The following KDM4C variants were observed in gnomAD, a reference collection of about 807,000 sequenced individuals.
KDM4C encodes lysine-specific demethylase 4C.
KDM4C carries 81 observed loss-of-function variants against 129.3 expected under a neutral mutation model. The observed-to-expected ratio is 0.63, with a 90% confidence interval of 0.52 to 0.75. The LOEUF is 0.75. KDM4C is among the 30% of genes least tolerant of loss of function. The pLI is 0.00. For missense variants in KDM4C, 1,457 were observed against 1,304.0 expected (o/e 1.12, Z -1.81); for synonymous variants, 573 against 456.1 (o/e 1.26, Z -3.26).
chr9:7,143,406 A>C (rs1841944021), intron 19 of KDM4C, among the ~76,000 whole-genome samples: 1 of 152,248 alleles, frequency 6.6e-6, no homozygotes, highest in Non-Finnish European at 1.5e-5. Context: ...TCTGGTGTGA[A>C]AAGAATAGAA....
intron 13 of KDM4C, 63 bp from the exon 14 acceptor site, chr9:7,013,725 G>A: frequency 4.0e-6 from 6 of 1,492,062 alleles, no homozygotes; most frequent in East Asian, 2.3e-5. Context: ...GTGGATTTGA[G>A]TGACTAGAAT....
intron 1 of KDM4C, among the ~76,000 whole-genome samples, chr9:6,738,588 A>C (rs1817598452): frequency 6.6e-6 from 1 of 152,070 alleles, no homozygotes; most frequent in Non-Finnish European, 1.5e-5. Context: ...GGTGGGCACC[A>C]CCACGCCCAG....
At chr9:6,933,666 A>G (rs1291678583) in intron 8 of KDM4C, among the ~76,000 whole-genome samples, 1 of 152,252 alleles carries the variant, frequency 6.6e-6, no homozygotes, top group Admixed American at 6.5e-5. Flanking sequence ...TTACTTATGT[A>G]TAGTTCTAAT....
chr9:6,978,574 G>A (rs905461475), intron 8 of KDM4C: 3 of 152,010 alleles, frequency 2.0e-5, no homozygotes, highest in African/African-American at 7.2e-5. Flanking sequence ...TGCATCTGTG[G>A]CTTGTCCTTG....
intron 1 of KDM4C, among the ~76,000 whole-genome samples, chr9:6,775,918 A>T (rs1822931073): frequency 6.6e-6 from 1 of 152,172 alleles, no homozygotes; most frequent in African/African-American, 2.4e-5. Context: ...TACCCATTAG[A>T]TGCAACTTGA....
intron 9 of KDM4C, among the ~76,000 whole-genome samples, chr9:6,983,009 A>C (rs1213879689): frequency 6.6e-6 from 1 of 152,212 alleles, no homozygotes; most frequent in Non-Finnish European, 1.5e-5. Context: ...TTGATGTCTC[A>C]AGCACATGTC....
intron 1 of KDM4C, among the ~76,000 whole-genome samples, chr9:6,792,211 C>T (rs905940383): frequency 4.6e-5 from 7 of 151,292 alleles, no homozygotes; most frequent in Non-Finnish European, 8.9e-5. Context: ...GGCATGGTGG[C>T]GGGTGCCTGT....
upstream of KDM4C, among the ~76,000 whole-genome samples, chr9:6,755,377 A>T (rs1045464206): frequency 7.0e-6 from 1 of 142,940 alleles, no homozygotes; most frequent in Admixed American, 6.9e-5. Context: ...TCTCAATTAT[A>T]AAAAAATGCA....
chr9:7,061,287 G>C (rs1051256170), intron 17 of KDM4C, among the ~76,000 whole-genome samples: 1 of 152,162 alleles, frequency 6.6e-6, no homozygotes, highest in Non-Finnish European at 1.5e-5. Flanking sequence ...ATCTCCTCAA[G>C]ATATTCAGAT....
At chr9:7,017,253 A>G (rs923803162) in intron 15 of KDM4C, among the ~76,000 whole-genome samples, 1 of 152,228 alleles carries the variant, frequency 6.6e-6, no homozygotes. Context: ...CTAACTTTTC[A>G]ACTAGCATGA....
intron 7 of KDM4C, among the ~76,000 whole-genome samples, chr9:6,891,977 T>C (rs1846175220): frequency 6.6e-6 from 1 of 152,200 alleles, no homozygotes; most frequent in African/African-American, 2.4e-5. Flanking sequence ...AAAGAAAATA[T>C]AAGTTGTATT....
At chr9:6,789,052 T>C (rs1316401165) in intron 1 of KDM4C, among the ~76,000 whole-genome samples, 1 of 151,664 alleles carries the variant, frequency 6.6e-6, no homozygotes, top group East Asian at 1.9e-4. Flanking sequence ...TTTTGTTTTT[T>C]TTTTTTTTTG....
At chr9:7,069,413 T>C (rs1007644310) in intron 17 of KDM4C, among the ~76,000 whole-genome samples, 2 of 152,142 alleles carry the variant, frequency 1.3e-5, no homozygotes, top group South Asian at 2.1e-4. Flanking sequence ...TTAGGCCAGG[T>C]GTGTGGGAGG....
intron 3 of KDM4C, among the ~76,000 whole-genome samples, chr9:6,814,372 C>A (rs1266698278): frequency 6.6e-6 from 1 of 152,066 alleles, no homozygotes; most frequent in East Asian, 1.9e-4. Flanking sequence ...GACTTTTAAA[C>A]TGCTTTTCTG....
chr9:7,077,798 C>T (rs1466764594), intron 17 of KDM4C, among the ~76,000 whole-genome samples: 3 of 152,176 alleles, frequency 2.0e-5, no homozygotes, highest in Non-Finnish European at 4.4e-5. Flanking sequence ...ACCAGTCAGT[C>T]TACAGAGAAA....
intron 2 of KDM4C, among the ~76,000 whole-genome samples, chr9:6,799,166 G>C (rs1373335640): frequency 1.3e-5 from 2 of 152,128 alleles, no homozygotes; most frequent in Non-Finnish European, 2.9e-5. Context: ...ACGGGGTGGC[G>C]GCCGGGCAGA....
At chr9:6,792,916 A>T (rs1356430918) in intron 1 of KDM4C, 56 bp from the exon 2 acceptor site, 12 of 1,555,138 alleles carry the variant, frequency 7.7e-6, no homozygotes, top group Non-Finnish European at 9.7e-6. Context: ...ATTTGTTAAA[A>T]ATGACCTAAA....
rs536929761 is a variant in KDM4C, at chr9:7,134,393, A to G, written c.2781+6157A>G. Among the ~76,000 whole-genome samples, 7 of 150,224 alleles carry G rather than the reference A, an allele frequency of 4.7e-5. No homozygotes were observed. In the South Asian group the frequency reaches 1.2e-3, roughly 27 times the overall value. The stretch of plus-strand genomic sequence containing the variant: ...CTAATATTTGCATAAAAAAAGAACA[A>G]ACTCATTTGTTCCTTGATTAATGTT... On this transcript the variant is annotated intron_variant, in intron 19 of 21. Coordinates refer to ENST00000381309, the MANE Select transcript of KDM4C (RefSeq NM_015061.6).
chr9:7,151,928 G>C (rs1842767154), intron 19 of KDM4C, among the ~76,000 whole-genome samples: 1 of 152,222 alleles, frequency 6.6e-6, no homozygotes, highest in African/African-American at 2.4e-5. Context: ...AAGGGGCACA[G>C]AATTGGTTCT....
Sources: allele counts gnomAD v4.1 joint callset (sites outside exome capture counted in the v4.1 genomes callset), GRCh38; gene constraint gnomAD v4.1.1; transcripts MANE v1.5; gene names NCBI Gene and HGNC (gene_info 2026-07-23, HGNC 2026-07-21).